The following GUCY1A1 variants were observed in gnomAD, a reference collection of about 807,000 sequenced individuals.
GUCY1A1 encodes guanylate cyclase soluble subunit alpha-1.
In GUCY1A1, 48 loss-of-function variants were observed where a neutral mutation model predicts 64.5. That is an observed-to-expected ratio of 0.74 (90% CI 0.59 to 0.95). The LOEUF is 0.95. GUCY1A1 is among the 40% of genes least tolerant of loss of function. The probability of loss-of-function intolerance (pLI) is 0.00; values close to 1 mark genes in which losing one functional copy is unlikely to be tolerated. For missense variants in GUCY1A1, 804 were observed against 825.3 expected, an observed-to-expected ratio of 0.97 and a Z score of 0.32; for synonymous variants, 308 against 303.4, an observed-to-expected ratio of 1.02 and a Z score of -0.16.
chr4:155,689,836 C>T (rs919008683), intron 2 of GUCY1A1, among the ~76,000 whole-genome samples: 2 of 152,044 alleles, frequency 1.3e-5, no homozygotes, highest in South Asian at 4.2e-4. Context: ...GTGAGGTTGC[C>T]GTTGTCTTTA....
rs1735986893 is a variant in GUCY1A1, at chr4:155,735,692, A to G, written c.*5461A>G. On this transcript the variant is annotated 3_prime_UTR_variant, in exon 10 of 10. Transcript: ENST00000506455. ...TTCCATCTGAAATGCTGCCAAATCC[A>G]TCTGTATTGAGGAAAGAGCTATGAG... is the stretch of plus-strand genomic sequence containing the variant. 1 of 151,974 alleles carries G rather than the reference A, an allele frequency of 6.6e-6. No homozygotes were observed. The highest frequency in any genetic ancestry group is 2.1e-4 in the South Asian group (1 of 4,822). 9.4% of individuals were successfully genotyped at this position (151,974 alleles called of 1,614,324 possible).
intron 9 of GUCY1A1, among the ~76,000 whole-genome samples, chr4:155,726,601 C>T (rs1734706337): frequency 6.6e-6 from 1 of 151,686 alleles, no homozygotes; most frequent in Non-Finnish European, 1.5e-5. Flanking sequence ...TTCTGAAATA[C>T]AGGTAAATTT....
intron 6 of GUCY1A1, among the ~76,000 whole-genome samples, chr4:155,712,735 C>G (rs1028901986): frequency 6.6e-6 from 1 of 152,136 alleles, no homozygotes; most frequent in Non-Finnish European, 1.5e-5. Context: ...AGAAAGGACA[C>G]ATTTTCCTGA....
At position 155,708,269 on chromosome 4, in the gene GUCY1A1, A is replaced by G; in HGVS notation, c.351A>G (p.Thr117=). 2 of 1,559,074 alleles carry G rather than the reference A, an allele frequency of 1.3e-6. No homozygotes were observed. The highest frequency in any genetic ancestry group is 1.8e-6 in the Non-Finnish European group (2 of 1,130,508). Residue 117 remains threonine (T), a synonymous_variant, in exon 5 of 10, where the codon ACA becomes ACG. Coordinates refer to ENST00000506455, the MANE Select transcript of GUCY1A1 (RefSeq NM_001130682.3). ...KSLEREDFEK[T]IAEQAVAAGV... ...TGGAAAGAGAAGACTTTGAAAAAACAATTGCAGAGCAAGCAGTTGCAGCAG... is the reference window on the plus strand; with the variant it reads ...TGGAAAGAGAAGACTTTGAAAAAACGATTGCAGAGCAAGCAGTTGCAGCAG...
At chr4:155,674,254 C>T (rs1237082240) in intron 2 of GUCY1A1, among the ~76,000 whole-genome samples, 2 of 151,056 alleles carry the variant, frequency 1.3e-5, no homozygotes, top group African/African-American at 4.9e-5. Context: ...ATTCGGGAGG[C>T]TGACGCAGAG....
intron 9 of GUCY1A1, among the ~76,000 whole-genome samples, chr4:155,727,054 T>G (rs1407682023): frequency 6.6e-6 from 1 of 151,962 alleles, no homozygotes; most frequent in East Asian, 1.9e-4. Context: ...AATTGACTTC[T>G]GTAAGAAGAA....
At chr4:155,708,984 C>G (rs954862474) in intron 5 of GUCY1A1, among the ~76,000 whole-genome samples, 3 of 152,086 alleles carry the variant, frequency 2.0e-5, no homozygotes, top group Non-Finnish European at 4.4e-5. Context: ...GCACCCTTGA[C>G]ATAACTAACT....
At chr4:155,691,418 G>A (rs1729716107) in intron 2 of GUCY1A1, among the ~76,000 whole-genome samples, 1 of 152,070 alleles carries the variant, frequency 6.6e-6, no homozygotes, top group African/African-American at 2.4e-5. Context: ...TTAAAAGACT[G>A]GTTTATGGGA....
chr4:155,703,000 C>T (rs1731296292), intron 3 of GUCY1A1, among the ~76,000 whole-genome samples: 1 of 150,798 alleles, frequency 6.6e-6, no homozygotes, highest in South Asian at 2.1e-4. Flanking sequence ...TCTATATATA[C>T]ACACATATAT....
chr4:155,692,805 T>C (rs1434878205), intron 2 of GUCY1A1, among the ~76,000 whole-genome samples: 1 of 152,172 alleles, frequency 6.6e-6, no homozygotes, highest in Non-Finnish European at 1.5e-5. Context: ...ACGTCTGTAA[T>C]CCCAGTGCTT....
chr4:155,704,038 C>T, intron 4 of GUCY1A1, 45 bp downstream of exon 4: 3 of 1,078,862 alleles, frequency 2.8e-6, no homozygotes, highest in Non-Finnish European at 4.2e-6. Context: ...ATTACAATGA[C>T]TAATACTGCT....
At chr4:155,726,887 G>A (rs537170714) in intron 9 of GUCY1A1, among the ~76,000 whole-genome samples, 163 of 152,028 alleles carry the variant, frequency 1.1e-3, no homozygotes, top group African/African-American at 3.4e-3. Flanking sequence ...CAGGTCAGTG[G>A]GTCAATGTTA....
intron 2 of GUCY1A1, among the ~76,000 whole-genome samples, chr4:155,672,895 A>T (rs147333363): frequency 1.3e-5 from 2 of 152,166 alleles, no homozygotes; most frequent in Non-Finnish European, 2.9e-5. Context: ...ATGGATTTAA[A>T]CTCATTTAGA....
intron 4 of GUCY1A1, among the ~76,000 whole-genome samples, chr4:155,707,932 C>T (rs764502899): frequency 2.6e-5 from 4 of 151,502 alleles, no homozygotes; most frequent in East Asian, 1.9e-4. Flanking sequence ...CGCCAGGTCC[C>T]GGTTCAAGTA....
intron 9 of GUCY1A1, among the ~76,000 whole-genome samples, chr4:155,728,815 T>C (rs991741956): frequency 3.3e-5 from 5 of 151,874 alleles, no homozygotes; most frequent in African/African-American, 1.2e-4. Flanking sequence ...TTATCCCCAT[T>C]TTAAAGGCTG....
Position 155,736,766 on chromosome 4 carries a change from T to C in GUCY1A1, c.*6535T>C, listed in dbSNP as rs1372544807. ...TCACCAGTTTTTGGTAAATATGCAT[T>C]GCTATAGGTATACCAAGTTTTTTTT... On this transcript the variant is annotated 3_prime_UTR_variant, in exon 10 of 10. Coordinates refer to ENST00000506455, the MANE Select transcript of GUCY1A1 (RefSeq NM_001130682.3). The C allele has an allele frequency of 6.6e-6, 1 of 152,004 alleles. No individual in the cohort carries two copies. Among genetic ancestry groups the C allele is most frequent in the Non-Finnish European group, 1.5e-5 (1 of 67,952 alleles). 9.4% of individuals were successfully genotyped at this position (152,004 alleles called of 1,614,324 possible). A position where few individuals can be genotyped will look rare whatever the true frequency, so the allele number is the denominator to read the frequency against.
At chr4:155,698,699 G>T (rs980983550) in intron 3 of GUCY1A1, among the ~76,000 whole-genome samples, 1 of 152,074 alleles carries the variant, frequency 6.6e-6, no homozygotes, top group African/African-American at 2.4e-5. Flanking sequence ...AAAAAATTCT[G>T]GTTCACTTGA....
intron 2 of GUCY1A1, among the ~76,000 whole-genome samples, chr4:155,679,618 G>A (rs1735439612): frequency 6.6e-6 from 1 of 152,206 alleles, no homozygotes; most frequent in Non-Finnish European, 1.5e-5. Context: ...AGTCATTCAT[G>A]AGGGATCTGC....
At chr4:155,682,973 T>C (rs1736017396) in intron 2 of GUCY1A1, among the ~76,000 whole-genome samples, 1 of 152,184 alleles carries the variant, frequency 6.6e-6, no homozygotes, top group Non-Finnish European at 1.5e-5. Context: ...CTAATATTAA[T>C]ATATTTTATT....
Sources: gnomAD v4.1 joint callset for allele counts (sites outside exome capture counted in the v4.1 genomes callset) on GRCh38, gnomAD v4.1.1 for gene constraint, MANE v1.5 for transcripts, NCBI Gene and HGNC (gene_info 2026-07-23, HGNC 2026-07-21) for gene names.